PAK5: variants seen among roughly 807,000 people sequenced by gnomAD.
PAK5 encodes serine/threonine-protein kinase PAK 5.
Under a neutral mutation model 65.9 loss-of-function variants are expected in PAK5, and 16 were observed. The observed-to-expected ratio is 0.24, with a 90% CI of 0.16 to 0.37. The LOEUF is 0.37. Among genes scored for constraint, PAK5 ranks in the 10% least tolerant of loss-of-function variants. PAK5 has a pLI of 1.00. For synonymous variants in PAK5, 371 were observed against 354.9 expected (o/e 1.05, Z -0.51); for missense variants, 785 against 903.9 (o/e 0.87, Z 1.69).
chr20:9,586,708 C>G (rs952075207), intron 3 of PAK5, among the ~76,000 whole-genome samples: 1 of 152,058 alleles, frequency 6.6e-6, no homozygotes, highest in African/African-American at 2.4e-5. Flanking sequence ...ATTAACATTT[C>G]TATAGGAGAT....
In PAK5 at chr20:9,627,036, T is replaced by A. The variant is rs536486798; in HGVS notation, c.204+17089A>T. 4.6e-5 allele frequency among the ~76,000 whole-genome samples: 7 copies of A among 152,348 alleles called. No individual in the cohort carries two copies. In the South Asian group the frequency reaches 1.0e-3, roughly 23 times the overall value. The stretch of plus-strand genomic sequence containing the variant: ...ATTTTGCTAAGCTGCCTATGATGAA[T>A]ACTCAGTGCTCTCAAGTGGTAAAAA... On this transcript the variant is annotated intron_variant, in intron 3 of 9. Transcript: ENST00000353224.
At chr20:9,772,500 T>C (rs2048845159) in intron 1 of PAK5, among the ~76,000 whole-genome samples, 1 of 152,206 alleles carries the variant, frequency 6.6e-6, no homozygotes, top group African/African-American at 2.4e-5. Flanking sequence ...AGGAAGCTCA[T>C]GTCACCGGCT....
intron 2 of PAK5, among the ~76,000 whole-genome samples, chr20:9,661,177 A>T (rs986523191): frequency 3.9e-5 from 6 of 152,188 alleles, no homozygotes; most frequent in Admixed American, 3.9e-4. Context: ...AATCTAAAAC[A>T]ATGATTTCAG....
At chr20:9,554,581 G>A (rs977884168) in intron 7 of PAK5, among the ~76,000 whole-genome samples, 10 of 152,184 alleles carry the variant, frequency 6.6e-5, no homozygotes, top group Non-Finnish European at 1.2e-4. Context: ...GACTCTAAAT[G>A]TTGAGATGCT....
chr20:9,594,597 T>A (rs779337059), intron 3 of PAK5, among the ~76,000 whole-genome samples: 2 of 152,220 alleles, frequency 1.3e-5, no homozygotes, highest in Non-Finnish European at 2.9e-5. Flanking sequence ...TTAGCCTGTA[T>A]GTTGCAATCT....
At chr20:9,750,604 TG>T in intron 1 of PAK5, among the ~76,000 whole-genome samples, 1 of 152,272 alleles carries the variant, frequency 6.6e-6, no homozygotes, top group East Asian at 1.9e-4. Flanking sequence ...CCTTGCTTTC[TG>T]GAAGAATAAA....
rs116581631 is a variant in PAK5 at position 9,620,650 on chromosome 20, C to G, written c.204+23475G>C. ...TCACAGTGATATGGGGACCCAAGAC[C>G]GTGAACTATGGCACCATGGATTTCC... is the stretch of plus-strand genomic sequence containing the variant. On this transcript the variant is annotated intron_variant, in intron 3 of 9. Coordinates refer to ENST00000353224, the MANE Select transcript of PAK5 (RefSeq NM_177990.4). Among the ~76,000 whole-genome samples, 1,362 of 152,198 alleles carry G rather than the reference C, an allele frequency of 8.9e-3. 15 individuals carry two copies. Among genetic ancestry groups the G allele is most frequent in the African/African-American group, 0.025 (1,057 of 41,508 alleles).
At chr20:9,630,969 C>A (rs1356422045) in intron 3 of PAK5, among the ~76,000 whole-genome samples, 1 of 152,150 alleles carries the variant, frequency 6.6e-6, no homozygotes, top group African/African-American at 2.4e-5. Flanking sequence ...TTCACAGGTC[C>A]ATGGATGGAA....
chr20:9,814,606 C>G (rs2049334804), intron 1 of PAK5, among the ~76,000 whole-genome samples: 1 of 152,060 alleles, frequency 6.6e-6, no homozygotes, highest in Admixed American at 6.5e-5. Context: ...TGAGTCAGAG[C>G]TTTATATCAT....
intron 4 of PAK5, among the ~76,000 whole-genome samples, chr20:9,574,376 C>T (rs1257316451): frequency 6.6e-6 from 1 of 152,164 alleles, no homozygotes; most frequent in Non-Finnish European, 1.5e-5. Context: ...TCCAATTAAC[C>T]CCCCACAGTT....
intron 1 of PAK5, among the ~76,000 whole-genome samples, chr20:9,762,670 G>A (rs2048713188): frequency 6.6e-6 from 1 of 152,130 alleles, no homozygotes; most frequent in Non-Finnish European, 1.5e-5. Context: ...CTATTTATGG[G>A]AAGGTAAATT....
At chr20:9,637,404 C>T (rs562680225) in intron 3 of PAK5, among the ~76,000 whole-genome samples, 32 of 152,048 alleles carry the variant, frequency 2.1e-4, no homozygotes, top group Admixed American at 4.6e-4. Context: ...ACACAGGAAA[C>T]GAGAGTTAAA....
intron 6 of PAK5, among the ~76,000 whole-genome samples, chr20:9,561,398 A>G (rs551256511): frequency 6.6e-6 from 1 of 152,342 alleles, no homozygotes; most frequent in East Asian, 1.9e-4. Flanking sequence ...CAAAAAATGT[A>G]TATCACATTT....
At chr20:9,790,387 G>A (rs111343703) in intron 1 of PAK5, among the ~76,000 whole-genome samples, 1,958 of 152,162 alleles carry the variant, frequency 0.013, 47 homozygotes, top group African/African-American at 0.045. Flanking sequence ...GAGGAAAAGA[G>A]GGGAGAGGGA....
intron 7 of PAK5, among the ~76,000 whole-genome samples, chr20:9,555,825 C>T (rs1425193400): frequency 1.3e-5 from 2 of 152,164 alleles, no homozygotes; most frequent in East Asian, 3.8e-4. Context: ...TCCTTTGGTG[C>T]TCTTGGGAAC....
chr20:9,767,083 T>A (rs536542392), intron 1 of PAK5, among the ~76,000 whole-genome samples: 7 of 152,274 alleles, frequency 4.6e-5, no homozygotes, highest in African/African-American at 1.7e-4. Context: ...AGCTGGATTC[T>A]TGGCAGCAAG....
rs137914496 is a variant in PAK5 at position 9,808,113 on chromosome 20, C to T, written c.-162+30649G>A. Among the ~76,000 whole-genome samples the T allele has an allele frequency of 8.3e-4, 126 of 152,224 alleles. 1 individual carries two copies. The Middle Eastern group carries it at 0.01, about 12-fold the overall frequency. On this transcript the variant is annotated intron_variant, in intron 1 of 9. Transcript: ENST00000353224. ...ACTGAATATTGTACCACCAGTGAAACTGAATGTATTAGCACTTTGTGTGTA... is the reference window on the plus strand; with the variant it reads ...ACTGAATATTGTACCACCAGTGAAATTGAATGTATTAGCACTTTGTGTGTA...
chr20:9,771,497 C>T (rs1266734586), intron 1 of PAK5, among the ~76,000 whole-genome samples: 1 of 151,646 alleles, frequency 6.6e-6, no homozygotes, highest in African/African-American at 2.4e-5. Context: ...CAGCCTCAAA[C>T]TCCTGGGCTC....
At chr20:9,672,666 C>T (rs1446841547) in intron 2 of PAK5, among the ~76,000 whole-genome samples, 2 of 152,094 alleles carry the variant, frequency 1.3e-5, no homozygotes, top group East Asian at 3.9e-4. Context: ...TACAAATTAC[C>T]CAGTCTCGCG....
Sources: allele counts gnomAD v4.1 joint callset (sites outside exome capture counted in the v4.1 genomes callset), GRCh38; gene constraint gnomAD v4.1.1; transcripts MANE v1.5; gene names NCBI Gene and HGNC (gene_info 2026-07-23, HGNC 2026-07-21).